PLCL1: variants seen among roughly 807,000 people sequenced by gnomAD.
The protein encoded by PLCL1 is inactive phospholipase C-like protein 1.
PLCL1 carries 41 observed loss-of-function variants against 84.4 expected under a neutral mutation model. The ratio of observed to expected loss-of-function variants is 0.49; its 90% CI spans 0.38 to 0.63. The LOEUF (loss-of-function observed/expected upper bound fraction) is 0.63, where lower values mean the gene tolerates loss of function less well. PLCL1 is among the 30% of genes least tolerant of loss of function. The probability of loss-of-function intolerance (pLI) is 0.00; values close to 1 mark genes in which losing one functional copy is unlikely to be tolerated. For synonymous variants in PLCL1, 490 were observed against 488.3 expected (o/e 1.00, Z -0.05); for missense variants, 1,206 against 1,367.8 (o/e 0.88, Z 1.87).
rs1694547480 is a variant in PLCL1 at position 198,147,236 on chromosome 2, CAGAG to C, written c.*282_*285del. The C allele has an allele frequency of 2.9e-5, 3 of 104,018 alleles. No homozygotes were observed. The highest frequency in any genetic ancestry group is 9.3e-4 in the South Asian group (2 of 2,160). The allele number at this position is 104,018 out of a possible 1,614,324, so 6.4% of individuals were successfully genotyped here. A position where few individuals can be genotyped will look rare whatever the true frequency, so the allele number is the denominator to read the frequency against. The stretch of plus-strand genomic sequence containing the variant: ...TGTGTGTGTGTGTGTGTGTGTGTGG[CAGAG>C]AGAGAGAAAGAGAGAGAGAGAGAGA... On this transcript the variant is annotated 3_prime_UTR_variant, in exon 6 of 6. Transcript: ENST00000428675.
intron 1 of PLCL1, among the ~76,000 whole-genome samples, chr2:197,988,543 G>T (rs942613622): frequency 2.0e-5 from 3 of 152,156 alleles, no homozygotes; most frequent in Admixed American, 6.5e-5. Context: ...TGCTGCAAAA[G>T]ATGTTATTTC....
At chr2:197,923,960 G>C (rs1375836483) in intron 1 of PLCL1, among the ~76,000 whole-genome samples, 1 of 151,724 alleles carries the variant, frequency 6.6e-6, no homozygotes, top group South Asian at 2.1e-4. Context: ...GCTGGAGACC[G>C]GCCCGGCCAA....
At position 198,085,657 on chromosome 2, in the gene PLCL1, A is replaced by G. The variant is rs1354264358; in HGVS notation, c.2140A>G (p.Ile714Val). 6.2e-7 allele frequency: 1 copy of G among 1,614,128 alleles called. No homozygotes were observed. Among genetic ancestry groups the G allele is most frequent in the Admixed American group, 1.7e-5 (1 of 60,022 alleles). The stretch of plus-strand genomic sequence containing the variant: ...TTACTTCAGCGCAAATACAAAGGGC[A>G]TTCTACCTGGGGTGTCTCCTCTAGC... ...VSYFSANTKG[I>V]LPGVSPLALH... Residue 714 changes from isoleucine to valine, a missense_variant, in exon 2 of 6, where the codon ATT (isoleucine) becomes GTT (valine). Physicochemically the swap from Ile to Val is conservative, Grantham distance 29 (BLOSUM62 3). Transcript: ENST00000428675. The surrounding 1 kb of genome is among the most constrained non-coding windows in gnomAD (Gnocchi z 5.3).
intron 1 of PLCL1, among the ~76,000 whole-genome samples, chr2:197,908,237 C>T (rs1296573069): frequency 6.6e-6 from 1 of 152,146 alleles, no homozygotes; most frequent in East Asian, 1.9e-4. Context: ...TTGAAAATCA[C>T]AATTGTTAGG....
intron 1 of PLCL1, among the ~76,000 whole-genome samples, chr2:197,989,879 A>G (rs181153164): frequency 1.3e-5 from 2 of 152,310 alleles, no homozygotes; most frequent in African/African-American, 4.8e-5. Flanking sequence ...CCTGGAGTCC[A>G]CTTGGAGATT....
At chr2:198,144,525 C>T (rs144779458) in intron 5 of PLCL1, among the ~76,000 whole-genome samples, 1 of 152,230 alleles carries the variant, frequency 6.6e-6, no homozygotes, top group African/African-American at 2.4e-5. Flanking sequence ...CTTTCTAAAT[C>T]ACCTTATATC....
Position 197,804,665 on chromosome 2 carries a change from G to C in PLCL1, c.-435G>C, listed in dbSNP as rs1238514728. Reference sequence around the variant, plus strand: ...GCGCCGCAGTCCGCGGGCAGGTGGCGGGTGCGCCCGGCCGCAGTCGCCCGG... The same window carrying C: ...GCGCCGCAGTCCGCGGGCAGGTGGCCGGTGCGCCCGGCCGCAGTCGCCCGG... On this transcript the variant is annotated 5_prime_UTR_variant, in exon 1 of 6. Coordinates refer to ENST00000428675, the MANE Select transcript of PLCL1 (RefSeq NM_006226.4). The C allele has an allele frequency of 1.3e-5, 2 of 154,748 alleles. No individual in the cohort carries two copies. Among genetic ancestry groups the C allele is most frequent in the Admixed American group, 6.5e-5 (1 of 15,290 alleles). The allele number at this position is 154,748 out of a possible 1,614,324, so 9.6% of individuals were successfully genotyped here.
At chr2:198,068,676 A>G (rs1692374106) in intron 1 of PLCL1, among the ~76,000 whole-genome samples, 1 of 152,242 alleles carries the variant, frequency 6.6e-6, no homozygotes. Flanking sequence ...TTGATAGCCT[A>G]GAGATCAGTA....
chr2:198,148,939 C>T lies in PLCL1; in HGVS notation c.*1977C>T, dbSNP rs938610066. 3.9e-5 allele frequency: 6 copies of T among 152,336 alleles called. No individual in the cohort carries two copies. Among genetic ancestry groups the T allele is most frequent in the South Asian group, 2.1e-4 (1 of 4,832 alleles). The allele number at this position is 152,336 out of a possible 1,614,324, so 9.4% of individuals were successfully genotyped here. ...TTATTTTATTTGTCCCAGAGCTCTA[C>T]TCACACTTAGGACCCACCCAAAAAT... On this transcript the variant is annotated 3_prime_UTR_variant, in exon 6 of 6. Coordinates refer to ENST00000428675, the MANE Select transcript of PLCL1 (RefSeq NM_006226.4).
intron 1 of PLCL1, among the ~76,000 whole-genome samples, chr2:197,951,722 C>T (rs2105782720): frequency 6.6e-6 from 1 of 152,190 alleles, no homozygotes; most frequent in Admixed American, 6.6e-5. Context: ...TTCCAGCGAA[C>T]ACATAGGCAC....
At position 198,068,581 on chromosome 2, in the gene PLCL1, C is replaced by A. The variant is rs149163806; in HGVS notation, c.241-15177C>A. 2.6e-3 allele frequency among the ~76,000 whole-genome samples: 401 copies of A among 152,230 alleles called. 9 individuals carry two copies. The highest frequency in any genetic ancestry group is 0.024 in the Admixed American group (370 of 15,292). On this transcript the variant is annotated intron_variant, in intron 1 of 5. Transcript: ENST00000428675. ...TCATCAACAAATGGAATTCAAGATC[C>A]CTTAGTAAAACGAATGAACTTATGT...
chr2:198,034,222 C>T (rs576181840), intron 1 of PLCL1, among the ~76,000 whole-genome samples: 3 of 151,878 alleles, frequency 2.0e-5, no homozygotes, highest in Non-Finnish European at 2.9e-5. Flanking sequence ...TCAGTTCCCA[C>T]CTATGAGTGA....
At chr2:198,061,038 A>T (rs556571371) in intron 1 of PLCL1, among the ~76,000 whole-genome samples, 1 of 152,174 alleles carries the variant, frequency 6.6e-6, no homozygotes, top group South Asian at 2.1e-4. Context: ...ACAAATCCCA[A>T]TTGGAAGTAA....
At chr2:197,907,911 T>G (rs2105743335) in intron 1 of PLCL1, among the ~76,000 whole-genome samples, 1 of 152,282 alleles carries the variant, frequency 6.6e-6, no homozygotes, top group East Asian at 1.9e-4. Flanking sequence ...CCTTACATTC[T>G]AAGTACTCTC....
At chr2:198,060,672 G>C (rs58985540) in intron 1 of PLCL1, among the ~76,000 whole-genome samples, 1 of 152,038 alleles carries the variant, frequency 6.6e-6, no homozygotes, top group East Asian at 1.9e-4. Flanking sequence ...CTTTTCTATA[G>C]AACTTTTTGA....
rs141293407 is a variant in PLCL1 at position 198,129,193 on chromosome 2, C to T, written c.3106-17587C>T. Among the ~76,000 whole-genome samples, 1,047 of 152,256 alleles carry T rather than the reference C, an allele frequency of 6.9e-3. 10 individuals are homozygous for T. Among genetic ancestry groups the T allele is most frequent in the African/African-American group, 0.023 (975 of 41,560 alleles). On this transcript the variant is annotated intron_variant, in intron 5 of 5. Coordinates refer to ENST00000428675, the MANE Select transcript of PLCL1 (RefSeq NM_006226.4). ...AAATTTACCTCCTTTAGAGAAGCCC[C>T]TTCCCTTTCCAGGTCTTTTTCTGAT...
intron 1 of PLCL1, among the ~76,000 whole-genome samples, chr2:197,983,207 T>TC (rs1690153323): frequency 1.6e-4 from 2 of 12,430 alleles, no homozygotes; most frequent in African/African-American, 9.5e-4. Flanking sequence ...TTTCTTTTTT[T>TC]TTTTTTTTTT....
chr2:198,084,115 T>G lies in PLCL1; in HGVS notation c.598T>G (p.Ser200Ala). Residue 200 changes from serine to alanine, a missense_variant, in exon 2 of 6, where the codon TCT becomes GCT. Coordinates refer to ENST00000428675, the MANE Select transcript of PLCL1 (RefSeq NM_006226.4). ...CATACTCCACGGGGAAAACTATGAG[T>G]CTCTGGACCTAGTTGCCAATTCAGC... is the stretch of plus-strand genomic sequence containing the variant. ...FSILHGENYE[S>A]LDLVANSADV... 1 of 1,614,060 alleles carries G rather than the reference T, an allele frequency of 6.2e-7. No homozygotes were observed. The highest frequency in any genetic ancestry group is 8.5e-7 in the Non-Finnish European group (1 of 1,179,974).
intron 1 of PLCL1, among the ~76,000 whole-genome samples, chr2:197,938,436 T>C (rs910776099): frequency 1.3e-5 from 2 of 152,220 alleles, no homozygotes; most frequent in Non-Finnish European, 2.9e-5. Flanking sequence ...TGGTACAAGC[T>C]TTGCTGCTGT....
Sources: gnomAD v4.1 joint callset for allele counts (sites outside exome capture counted in the v4.1 genomes callset) on GRCh38, gnomAD v4.1.1 for gene constraint, Gnocchi (gnomAD v3.1) non-coding constraint, MANE v1.5 for transcripts, NCBI Gene and HGNC (gene_info 2026-07-23, HGNC 2026-07-21) for gene names.